Variants in ANO4 observed in about 807,000 individuals in gnomAD.
ANO4 encodes anoctamin 4, also known as anoctamin-4.
A neutral mutation model predicts 141.9 loss-of-function variants in ANO4; 69 were observed. The observed-to-expected ratio is 0.49, with a 90% CI of 0.40 to 0.59. The LOEUF is 0.59. Among genes scored for constraint, ANO4 ranks in the 20% least tolerant of loss-of-function variants. The pLI, the probability that ANO4 is intolerant of heterozygous loss-of-function variation, is 0.00. For synonymous variants in ANO4, 350 were observed against 394.3 expected, an observed-to-expected ratio of 0.89 and a Z score of 1.33; for missense variants, 894 against 1,162.2, an observed-to-expected ratio of 0.77 and a Z score of 3.36.
At chr12:100,839,231 G>T (rs1285367258) in intron 1 of ANO4, among the ~76,000 whole-genome samples, 1 of 152,064 alleles carries the variant, frequency 6.6e-6, no homozygotes, top group East Asian at 1.9e-4. Flanking sequence ...TGCAGAATGG[G>T]GGCCAGTGGC....
At chr12:100,733,142 C>T (rs2031452860) in intron 1 of ANO4, among the ~76,000 whole-genome samples, 1 of 152,128 alleles carries the variant, frequency 6.6e-6, no homozygotes, top group Non-Finnish European at 1.5e-5. Context: ...CTTCCTAAAA[C>T]AAAAATAGGA....
At chr12:101,080,270 G>T (rs2049193110) in intron 15 of ANO4, among the ~76,000 whole-genome samples, 2 of 152,070 alleles carry the variant, frequency 1.3e-5, no homozygotes, top group Non-Finnish European at 1.5e-5. Context: ...AGGTATTTTT[G>T]TTGTTGTTGT....
intron 1 of ANO4, chr12:100,733,663 G>A (rs1228367369): frequency 4.1e-5 from 25 of 604,240 alleles, no homozygotes; most frequent in South Asian, 1.8e-4. Flanking sequence ...GAGACTACCC[G>A]TGTCATAGAC....
chr12:101,117,582 C>T (rs2050903060), intron 25 of ANO4, among the ~76,000 whole-genome samples: 1 of 152,244 alleles, frequency 6.6e-6, no homozygotes. Flanking sequence ...TGTGGGCTCA[C>T]ACCTGTAATC....
At chr12:100,978,825 G>T (rs1368560128) in intron 7 of ANO4, among the ~76,000 whole-genome samples, 1 of 152,182 alleles carries the variant, frequency 6.6e-6, no homozygotes, top group African/African-American at 2.4e-5. Flanking sequence ...GGAGATACAG[G>T]TGTGGTGAGG....
intron 17 of ANO4, among the ~76,000 whole-genome samples, chr12:101,093,989 T>A (rs2049879865): frequency 2.0e-5 from 3 of 152,258 alleles, no homozygotes; most frequent in Admixed American, 2.0e-4. Flanking sequence ...TGCCATAAAA[T>A]TATTCGCCCC....
At chr12:100,806,727 T>G (rs2135687106) in intron 1 of ANO4, among the ~76,000 whole-genome samples, 1 of 151,732 alleles carries the variant, frequency 6.6e-6, no homozygotes. Flanking sequence ...GTATTTTTAG[T>G]AGAGACGGGG....
chr12:101,084,902 C>A (rs2049422398), intron 16 of ANO4, among the ~76,000 whole-genome samples: 1 of 152,146 alleles, frequency 6.6e-6, no homozygotes, highest in East Asian at 1.9e-4. Context: ...AGCTAGGGCT[C>A]TAATCTCTCT....
intron 22 of ANO4, among the ~76,000 whole-genome samples, chr12:101,106,927 T>C (rs761437968): frequency 2.0e-5 from 3 of 150,630 alleles, no homozygotes; most frequent in Admixed American, 6.6e-5. Context: ...CATTAATCAC[T>C]TCAAGACCAA....
intron 5 of ANO4, among the ~76,000 whole-genome samples, chr12:100,954,893 G>A (rs1201913518): frequency 6.6e-6 from 1 of 152,136 alleles, no homozygotes; most frequent in Non-Finnish European, 1.5e-5. Flanking sequence ...TATTTAATTG[G>A]ATAGTCAGCA....
chr12:100,812,546 G>A (rs188135431), intron 1 of ANO4, among the ~76,000 whole-genome samples: 44 of 152,278 alleles, frequency 2.9e-4, no homozygotes, highest in African/African-American at 1.0e-3. Flanking sequence ...TAGGTCAGAA[G>A]TAAAGAAGAG....
At chr12:100,846,703 C>T (rs572904023) in intron 1 of ANO4, among the ~76,000 whole-genome samples, 8 of 152,174 alleles carry the variant, frequency 5.3e-5, no homozygotes, top group African/African-American at 9.6e-5. Context: ...CAGATTAATT[C>T]GATACTGTGC....
At chr12:100,968,135 A>AT (rs1306955558) in intron 5 of ANO4, among the ~76,000 whole-genome samples, 3 of 152,124 alleles carry the variant, frequency 2.0e-5, no homozygotes, top group African/African-American at 4.8e-5. Context: ...ATAATAAGTG[A>AT]TTTTTATCCA....
At chr12:100,977,015 T>G (rs1566080064) in intron 7 of ANO4, among the ~76,000 whole-genome samples, 1 of 152,178 alleles carries the variant, frequency 6.6e-6, no homozygotes, top group East Asian at 1.9e-4. Flanking sequence ...TTGGGCAGGT[T>G]ACTTCACTTC....
At chr12:100,843,893 C>A (rs1016086794) in intron 1 of ANO4, among the ~76,000 whole-genome samples, 1 of 152,170 alleles carries the variant, frequency 6.6e-6, no homozygotes, top group Non-Finnish European at 1.5e-5. Context: ...TTAGATAATT[C>A]TCTTCCGATA....
intron 1 of ANO4, among the ~76,000 whole-genome samples, chr12:100,891,905 C>T (rs543833694): frequency 6.6e-6 from 1 of 152,210 alleles, no homozygotes; most frequent in African/African-American, 2.4e-5. Context: ...CCAACATCTC[C>T]ACAACTGAGC....
chr12:100,779,088 C>T (rs2033631170), intron 3 of ANO4, among the ~76,000 whole-genome samples: 1 of 151,946 alleles, frequency 6.6e-6, no homozygotes, highest in African/African-American at 2.4e-5. Context: ...CAGAAAAACC[C>T]ATAACAAAAC....
At chr12:100,785,808 G>A (rs565283660) in intron 3 of ANO4, among the ~76,000 whole-genome samples, 2 of 152,244 alleles carry the variant, frequency 1.3e-5, no homozygotes, top group African/African-American at 4.8e-5. Flanking sequence ...GTTTAGTTTT[G>A]TAAGAAACTG....
At chr12:100,914,872 T>C (rs2041264764) in intron 2 of ANO4, among the ~76,000 whole-genome samples, 1 of 152,218 alleles carries the variant, frequency 6.6e-6, no homozygotes, top group Non-Finnish European at 1.5e-5. Context: ...TGGAGTGCAG[T>C]GGCATGATCA....
Sources: allele counts gnomAD v4.1 joint callset (sites outside exome capture counted in the v4.1 genomes callset), GRCh38; gene constraint gnomAD v4.1.1; transcripts MANE v1.5; gene names NCBI Gene and HGNC (gene_info 2026-07-23, HGNC 2026-07-21).